Variants in PALM2AKAP2 observed in about 807,000 individuals in gnomAD.
PALM2AKAP2 encodes the protein PALM2-AKAP2 fusion protein.
In PALM2AKAP2, 37 loss-of-function variants were observed where a neutral mutation model predicts 71.5. That is an observed-to-expected ratio of 0.52 (90% CI 0.40 to 0.68). The LOEUF (loss-of-function observed/expected upper bound fraction) is 0.68. Ranked by LOEUF, PALM2AKAP2 falls within the 30% of genes least tolerant of loss-of-function variation. PALM2AKAP2 has a pLI of 0.00. For missense variants in PALM2AKAP2, 1,224 were observed against 1,191.8 expected, an observed-to-expected ratio of 1.03 and a Z score of -0.40; for synonymous variants, 468 against 478.8, an observed-to-expected ratio of 0.98 and a Z score of 0.29.
chr9:109,665,600 G>C (rs1208348770), intron 1 of PALM2AKAP2, among the ~76,000 whole-genome samples: 2 of 152,200 alleles, frequency 1.3e-5, no homozygotes, highest in Non-Finnish European at 2.9e-5. Context: ...TGAGGTGTCT[G>C]TTTACCCCTA....
At chr9:109,838,074 A>G (rs1828532974) in intron 1 of PALM2AKAP2, among the ~76,000 whole-genome samples, 2 of 6,180 alleles carry the variant, frequency 3.2e-4, no homozygotes, top group African/African-American at 3.6e-3. Context: ...ACAGAATATA[A>G]TTATTCTCAG....
At chr9:109,998,782 A>G (rs76488380) in intron 6 of PALM2AKAP2, among the ~76,000 whole-genome samples, 21,088 of 144,618 alleles carry the variant, frequency 0.15, 2,435 homozygotes, top group African/African-American at 0.3. Flanking sequence ...AAAAAAAAAA[A>G]GGGGGGATAG....
Position 109,753,603 on chromosome 9 carries a change from C to T in PALM2AKAP2, c.6-26885C>T, listed in dbSNP as rs148283862. 4.9e-3 allele frequency among the ~76,000 whole-genome samples: 748 copies of T among 152,258 alleles called. 7 individuals are homozygous for T. Among genetic ancestry groups the T allele is most frequent in the African/African-American group, 0.017 (718 of 41,546 alleles). The stretch of plus-strand genomic sequence containing the variant: ...ACAGTTTCTGACCTGTTTCCAGCAC[C>T]TTTGCAAGTGTGTGTGGAAGAACTG... On this transcript the variant is annotated intron_variant, in intron 1 of 6. Transcript: ENST00000374531.
At chr9:109,664,325 A>T (rs1827444581) in intron 1 of PALM2AKAP2, among the ~76,000 whole-genome samples, 2 of 152,066 alleles carry the variant, frequency 1.3e-5, no homozygotes, top group Non-Finnish European at 1.5e-5. Context: ...GGTGGCTGGT[A>T]CCGGTTGTTT....
intron 1 of PALM2AKAP2, among the ~76,000 whole-genome samples, chr9:109,745,440 T>C (rs543434454): frequency 6.6e-6 from 1 of 152,280 alleles, no homozygotes; most frequent in East Asian, 1.9e-4. Context: ...GAATGCTGCC[T>C]CACTTCTTTT....
intron 1 of PALM2AKAP2, among the ~76,000 whole-genome samples, chr9:110,064,447 A>T (rs1250593948): frequency 6.6e-6 from 1 of 152,170 alleles, no homozygotes; most frequent in Non-Finnish European, 1.5e-5. Flanking sequence ...AAAGTGTTTG[A>T]GGGCTCAAGT....
intron 1 of PALM2AKAP2, among the ~76,000 whole-genome samples, chr9:109,667,623 C>G (rs1827507536): frequency 6.6e-6 from 1 of 151,890 alleles, no homozygotes; most frequent in Non-Finnish European, 1.5e-5. Flanking sequence ...AACCCCATCT[C>G]TACTAAAAAA....
At chr9:109,997,360 T>C (rs963843692) in intron 6 of PALM2AKAP2, among the ~76,000 whole-genome samples, 16 of 152,162 alleles carry the variant, frequency 1.1e-4, no homozygotes, top group African/African-American at 3.9e-4. Flanking sequence ...AGTAAGGTAA[T>C]ACACATAAAG....
At chr9:109,716,930 C>T (rs1198440341) in intron 1 of PALM2AKAP2, among the ~76,000 whole-genome samples, 1 of 152,004 alleles carries the variant, frequency 6.6e-6, no homozygotes, top group Non-Finnish European at 1.5e-5. Context: ...GCAGGGCTGG[C>T]TTGCCAGAAG....
intron 1 of PALM2AKAP2, among the ~76,000 whole-genome samples, chr9:109,853,824 G>A (rs534775199): frequency 6.6e-6 from 1 of 152,254 alleles, no homozygotes; most frequent in African/African-American, 2.4e-5. Context: ...GTAATCTTTT[G>A]TATTTGTTCT....
chr9:109,663,395 C>T (rs943382881), intron 1 of PALM2AKAP2, among the ~76,000 whole-genome samples: 1 of 152,280 alleles, frequency 6.6e-6, no homozygotes, highest in East Asian at 1.9e-4. Context: ...TGTCTTTGTT[C>T]TCATTGGTTT....
intron 2 of PALM2AKAP2, among the ~76,000 whole-genome samples, chr9:109,879,733 A>G (rs147937734): frequency 2.7e-3 from 372 of 138,112 alleles, no homozygotes; most frequent in African/African-American, 9.3e-3. Context: ...GTCTCGTTCT[A>G]TCACCCAGGC....
intron 1 of PALM2AKAP2, among the ~76,000 whole-genome samples, chr9:110,075,871 T>C (rs1003202546): frequency 9.2e-5 from 14 of 152,100 alleles, no homozygotes; most frequent in South Asian, 2.1e-4. Context: ...TATATGTCTA[T>C]ATTATATACA....
At chr9:109,946,387 C>G (rs1164538162) in intron 6 of PALM2AKAP2, 4 of 151,998 alleles carry the variant, frequency 2.6e-5, no homozygotes, top group Non-Finnish European at 5.9e-5. Flanking sequence ...TTGGGCTTTC[C>G]TTTAAAATAA....
chr9:109,935,085 C>T (rs1342762920), intron 6 of PALM2AKAP2, among the ~76,000 whole-genome samples: 2 of 152,160 alleles, frequency 1.3e-5, no homozygotes, highest in South Asian at 2.1e-4. Context: ...TTCAAACACG[C>T]GCAGTTCCTC....
chr9:110,049,175 A>G (rs1833660464), intron 1 of PALM2AKAP2, among the ~76,000 whole-genome samples: 1 of 152,200 alleles, frequency 6.6e-6, no homozygotes, highest in Non-Finnish European at 1.5e-5. Flanking sequence ...GTATACACAC[A>G]GAGCTGGGCT....
chr9:110,140,098 T>C (rs1835989721), intron 2 of PALM2AKAP2, among the ~76,000 whole-genome samples: 2 of 152,260 alleles, frequency 1.3e-5, no homozygotes, highest in Admixed American at 1.3e-4. Context: ...AATACTGTGG[T>C]ATTCTGCAAT....
intron 2 of PALM2AKAP2, among the ~76,000 whole-genome samples, chr9:110,154,783 A>T (rs1051463136): frequency 6.6e-6 from 1 of 152,122 alleles, no homozygotes; most frequent in African/African-American, 2.4e-5. Flanking sequence ...TTTTCCACCT[A>T]ATCCCCAAGT....
intron 1 of PALM2AKAP2, among the ~76,000 whole-genome samples, chr9:110,072,007 A>C (rs553939663): frequency 6.6e-6 from 1 of 152,358 alleles, no homozygotes; most frequent in South Asian, 2.1e-4. Flanking sequence ...GTGAGTTAGT[A>C]GTAGTTCATA....
Sources: allele counts gnomAD v4.1 joint callset (sites outside exome capture counted in the v4.1 genomes callset), GRCh38; gene constraint gnomAD v4.1.1; transcripts MANE v1.5; gene names NCBI Gene and HGNC (gene_info 2026-07-23, HGNC 2026-07-21).